The following PTK7 variants were observed in gnomAD, a reference collection of about 807,000 sequenced individuals.
The protein encoded by PTK7 is inactive tyrosine-protein kinase 7.
Under a neutral mutation model 116.6 loss-of-function variants are expected in PTK7, and 39 were observed. The observed-to-expected ratio is 0.33, with a 90% CI of 0.26 to 0.44. The LOEUF is 0.44. PTK7 is among the 20% of genes least tolerant of loss of function. PTK7 has a pLI of 1.00. For missense variants in PTK7, 1,169 were observed against 1,425.6 expected, an observed-to-expected ratio of 0.82 and a Z score of 2.90; for synonymous variants, 546 against 563.6, an observed-to-expected ratio of 0.97 and a Z score of 0.44.
chr6:43,085,890 G>A (rs1175984117), intron 1 of PTK7, among the ~76,000 whole-genome samples: 3 of 146,222 alleles, frequency 2.1e-5, no homozygotes, highest in African/African-American at 5.1e-5. Context: ...CTGAGATTGC[G>A]CCACTGCACT....
chr6:43,160,105 A>G (rs2150486896), intron 19 of PTK7, 139 bp downstream of exon 19: 2 of 863,886 alleles, frequency 2.3e-6, no homozygotes, highest in East Asian at 2.6e-5. Context: ...TCTGGTTGTT[A>G]AAATACTGCA....
At position 43,143,859 on chromosome 6, in the gene PTK7, C is replaced by T. The variant is rs1770572498; in HGVS notation, c.2251+239C>T. On this transcript the variant is annotated intron_variant, in intron 14 of 19. Transcript: ENST00000230419. This position sits in a 1 kb window ranked among gnomAD's most constrained non-coding sequence, Gnocchi z 4.2. ...CCTTGGACCAGCTTCCTATGATTCC[C>T]TGCTGTTTCCTCCTCCCAGCACAAA... Among the ~76,000 whole-genome samples the T allele has an allele frequency of 1.3e-5, 2 of 152,240 alleles. No individual in the cohort carries two copies. Among genetic ancestry groups the T allele is most frequent in the Admixed American group, 6.5e-5 (1 of 15,280 alleles).
At chr6:43,094,010 G>C (rs1767100202) in intron 1 of PTK7, among the ~76,000 whole-genome samples, 1 of 152,168 alleles carries the variant, frequency 6.6e-6, no homozygotes, top group East Asian at 1.9e-4. Flanking sequence ...ATACTTCTAC[G>C]CAAAGGAAGA....
Position 43,143,965 on chromosome 6 carries a change from G to C in PTK7, c.2251+345G>C, listed in dbSNP as rs1770578788. On this transcript the variant is annotated intron_variant, in intron 14 of 19. Coordinates refer to ENST00000230419, the MANE Select transcript of PTK7 (RefSeq NM_002821.5). The surrounding 1 kb of genome is among the most constrained non-coding windows in gnomAD (Gnocchi z 4.2). ...TCTATGAGTCTAAGAGCTCCCCCAG[G>C]GGCAGTCTTTCTGTTTACTTCCCTT... Among the ~76,000 whole-genome samples the C allele has an allele frequency of 6.6e-6, 1 of 152,168 alleles. No homozygotes were observed. The highest frequency in any genetic ancestry group is 2.1e-4 in the South Asian group (1 of 4,832).
At chr6:43,142,408 C>A (rs1290377969) in intron 13 of PTK7, 109 bp downstream of exon 13, 1 of 1,526,750 alleles carries the variant, frequency 6.5e-7, no homozygotes, top group South Asian at 1.2e-5. Flanking sequence ...ATTTTTGTGG[C>A]AGCGGTGGGG....
intron 10 of PTK7, among the ~76,000 whole-genome samples, chr6:43,140,695 C>G (rs920750213): frequency 3.3e-5 from 5 of 151,992 alleles, no homozygotes; most frequent in African/African-American, 7.2e-5. Context: ...CAAGACCAAC[C>G]TGGGCAATAC....
At position 43,139,673 on chromosome 6, in the gene PTK7, G is replaced by A; in HGVS notation, c.1618+148G>A. 7.6e-7 allele frequency: 1 copy of A among 1,319,754 alleles called. No homozygotes were observed. The highest frequency in any genetic ancestry group is 2.4e-5 in the East Asian group (1 of 41,488). 81.8% of individuals were successfully genotyped at this position (1,319,754 alleles called of 1,614,324 possible). A position where few individuals can be genotyped will look rare whatever the true frequency, so the allele number is the denominator to read the frequency against. The stretch of plus-strand genomic sequence containing the variant: ...GGCTGATGTATAGTTTAGTTAGGAA[G>A]GAAAAAGCCAGACACAGAAGAGGTC... On this transcript the variant is annotated intron_variant, in intron 10 of 19. Transcript: ENST00000230419. The surrounding 1 kb of genome is among the most constrained non-coding windows in gnomAD (Gnocchi z 4.6).
At chr6:43,107,893 C>G (rs1767980282) in intron 1 of PTK7, among the ~76,000 whole-genome samples, 1 of 152,222 alleles carries the variant, frequency 6.6e-6, no homozygotes, top group African/African-American at 2.4e-5. Flanking sequence ...CATCTGTCCT[C>G]AGGAAGCTTA....
chr6:43,130,530 G>A lies in PTK7; in HGVS notation c.681G>A (p.Val227=). 1 of 1,613,938 alleles carries A rather than the reference G, an allele frequency of 6.2e-7. No individual in the cohort carries two copies. The highest frequency in any genetic ancestry group is 1.1e-5 in the South Asian group (1 of 91,034). The part of the protein sequence containing the change: ...LSIADESFAR[V]VLAPQDVVVA... Reference sequence around the variant, plus strand: ...CTCCAGATGAAAGCTTTGCCAGGGTGGTGCTGGCACCCCAGGACGTGGTAG... The same window carrying A: ...CTCCAGATGAAAGCTTTGCCAGGGTAGTGCTGGCACCCCAGGACGTGGTAG... The change falls in exon 5 of 20, where the codon GTG becomes GTA. Residue 227 remains valine (V), a synonymous_variant. Transcript: ENST00000230419.
intron 1 of PTK7, among the ~76,000 whole-genome samples, chr6:43,078,070 G>T (rs1436379295): frequency 6.6e-6 from 1 of 152,246 alleles, no homozygotes; most frequent in Non-Finnish European, 1.5e-5. Context: ...TCCTGGTTGG[G>T]TTTTGGTGTG....
In PTK7 at chr6:43,158,867, C is replaced by T. The variant is rs1196473469; in HGVS notation, c.2772C>T (p.Asn924=). The part of the protein sequence containing the change: ...VALGMEHLSN[N]RFVHKDLAAR... ...TGGGCATGGAGCACCTGTCCAACAA[C>T]CGCTTTGTGCATAAGGACTTGGCTG... The change falls in exon 18 of 20, where the codon AAC becomes AAT. Residue 924 remains asparagine, a synonymous_variant. Transcript: ENST00000230419. 1 of 1,614,232 alleles carries T rather than the reference C, an allele frequency of 6.2e-7. No homozygotes were observed. Among genetic ancestry groups the T allele is most frequent in the East Asian group, 2.2e-5 (1 of 44,878 alleles).
At chr6:43,090,532 G>T (rs1766887525) in intron 1 of PTK7, among the ~76,000 whole-genome samples, 1 of 152,226 alleles carries the variant, frequency 6.6e-6, no homozygotes, top group Non-Finnish European at 1.5e-5. Flanking sequence ...TTTGGGAAAA[G>T]ATAGAGGGTT....
intron 1 of PTK7, among the ~76,000 whole-genome samples, chr6:43,080,563 G>A (rs1766320516): frequency 1.3e-5 from 2 of 152,176 alleles, no homozygotes; most frequent in Non-Finnish European, 2.9e-5. Context: ...CAGACTCATT[G>A]GCAGGCCCTG....
chr6:43,134,662 C>T (rs1455207186), intron 7 of PTK7, among the ~76,000 whole-genome samples: 1 of 152,000 alleles, frequency 6.6e-6, no homozygotes, highest in South Asian at 2.1e-4. Flanking sequence ...CACCTGTAAT[C>T]CCAGCTACTT....
intron 1 of PTK7, among the ~76,000 whole-genome samples, chr6:43,095,853 T>TG (rs917023646): frequency 6.6e-6 from 1 of 152,222 alleles, no homozygotes; most frequent in Non-Finnish European, 1.5e-5. Flanking sequence ...TTTTTTCTGT[T>TG]GGGGAGACTG....
In PTK7 at chr6:43,105,093, G is replaced by T. The variant is rs1255630420; in HGVS notation, c.80-23884G>T. ...CCCAAAGTGCTGGGATTATAGGCATGAGCCACCAAGCCCAGCCTTTTTTTT... is the reference window on the plus strand; with the variant it reads ...CCCAAAGTGCTGGGATTATAGGCATTAGCCACCAAGCCCAGCCTTTTTTTT... On this transcript the variant is annotated intron_variant, in intron 1 of 19. Coordinates refer to ENST00000230419, the MANE Select transcript of PTK7 (RefSeq NM_002821.5). 3.3e-5 allele frequency among the ~76,000 whole-genome samples: 5 copies of T among 150,770 alleles called. 1 individual carries two copies. In the South Asian group the frequency reaches 1.0e-3, roughly 32 times the overall value.
At chr6:43,155,411 G>A (rs1438595435) in intron 17 of PTK7, among the ~76,000 whole-genome samples, 2 of 151,986 alleles carry the variant, frequency 1.3e-5, no homozygotes, top group Non-Finnish European at 2.9e-5. Context: ...TGGGAGCCGA[G>A]GCAGGTGGAT....
chr6:43,111,454 C>T (rs1235894893), intron 1 of PTK7, among the ~76,000 whole-genome samples: 1 of 152,124 alleles, frequency 6.6e-6, no homozygotes, highest in East Asian at 1.9e-4. Context: ...CTGACAAAGG[C>T]CAGTGCTGGC....
chr6:43,145,540 C>A lies in PTK7; in HGVS notation c.2640+108C>A. ...GTGAAAACCTTGTCTCGTGCAGTCT[C>A]AGCCGAGACCTCACCTGCCTGCTGT... is the stretch of plus-strand genomic sequence containing the variant. On this transcript the variant is annotated intron_variant, in intron 16 of 19. Coordinates refer to ENST00000230419, the MANE Select transcript of PTK7 (RefSeq NM_002821.5). The surrounding 1 kb of genome is among the most constrained non-coding windows in gnomAD (Gnocchi z 4.8). The A allele has an allele frequency of 1.2e-6, 1 of 845,444 alleles. No individual in the cohort carries two copies. Among genetic ancestry groups the A allele is most frequent in the Non-Finnish European group, 1.7e-6 (1 of 577,104 alleles). 52.4% of individuals were successfully genotyped at this position (845,444 alleles called of 1,614,324 possible).
Sources: allele counts gnomAD v4.1 joint callset (sites outside exome capture counted in the v4.1 genomes callset), GRCh38; gene constraint gnomAD v4.1.1; non-coding constraint Gnocchi (gnomAD v3.1); transcripts MANE v1.5; gene names NCBI Gene and HGNC (gene_info 2026-07-23, HGNC 2026-07-21).